Variants in KLHL29 observed in about 807,000 individuals in gnomAD.
KLHL29 encodes kelch-like protein 29.
KLHL29 carries 21 observed loss-of-function variants against 80.4 expected under a neutral mutation model. The ratio of observed to expected loss-of-function variants is 0.26; its 90% CI spans 0.19 to 0.38. The LOEUF (loss-of-function observed/expected upper bound fraction) is 0.38, where lower values mean the gene tolerates loss of function less well. Among genes scored for constraint, KLHL29 ranks in the 10% least tolerant of loss-of-function variants. The probability of loss-of-function intolerance (pLI) is 1.00; values close to 1 mark genes in which losing one functional copy is unlikely to be tolerated. For synonymous variants in KLHL29, 511 were observed against 526.8 expected (o/e 0.97, Z 0.41); for missense variants, 867 against 1,223.9 (o/e 0.71, Z 4.35).
intron 2 of KLHL29, among the ~76,000 whole-genome samples, chr2:23,535,113 T>C (rs897888391): frequency 3.9e-5 from 6 of 152,272 alleles, no homozygotes; most frequent in Non-Finnish European, 7.3e-5. Flanking sequence ...TTAGTTAATT[T>C]TTTTAAAATG....
rs1473243703 is a variant in KLHL29, at chr2:23,503,938, T to C, written c.-46+28271T>C. On this transcript the variant is annotated intron_variant, in intron 2 of 13. Coordinates refer to ENST00000486442, the MANE Select transcript of KLHL29 (RefSeq NM_052920.2). The surrounding 1 kb of genome is among the most constrained non-coding windows in gnomAD (Gnocchi z 4.0). Reference sequence around the variant, plus strand: ...CCCTCCTCCACTAGGAGCCTCTGGTTCCAGCCCAGATGAACCCACTGGGCT... The same window carrying C: ...CCCTCCTCCACTAGGAGCCTCTGGTCCCAGCCCAGATGAACCCACTGGGCT... Among the ~76,000 whole-genome samples, 2 of 152,174 alleles carry C rather than the reference T, an allele frequency of 1.3e-5. No individual in the cohort carries two copies. Among genetic ancestry groups the C allele is most frequent in the Admixed American group, 1.3e-4 (2 of 15,280 alleles).
intron 5 of KLHL29, among the ~76,000 whole-genome samples, chr2:23,673,912 C>A (rs1235055782): frequency 1.3e-5 from 2 of 152,178 alleles, no homozygotes; most frequent in Admixed American, 6.5e-5. Flanking sequence ...TGCACACACA[C>A]TCACAACCAT....
intron 5 of KLHL29, among the ~76,000 whole-genome samples, chr2:23,672,977 A>G (rs1670810826): frequency 6.6e-6 from 1 of 152,204 alleles, no homozygotes; most frequent in South Asian, 2.1e-4. Context: ...CAACCTTTTC[A>G]GTGTCAGAGA....
At chr2:23,483,157 T>C (rs1000120032) in intron 2 of KLHL29, among the ~76,000 whole-genome samples, 5 of 152,126 alleles carry the variant, frequency 3.3e-5, no homozygotes, top group African/African-American at 1.2e-4. Flanking sequence ...AGTGACCATA[T>C]GAGATAAAAA....
intron 2 of KLHL29, among the ~76,000 whole-genome samples, chr2:23,489,785 C>A (rs1420034799): frequency 6.6e-6 from 1 of 151,810 alleles, no homozygotes; most frequent in Non-Finnish European, 1.5e-5. Flanking sequence ...AACTTGCATG[C>A]GTGGAGTCTG....
intron 3 of KLHL29, among the ~76,000 whole-genome samples, chr2:23,629,188 C>G (rs1179524154): frequency 6.6e-6 from 1 of 152,138 alleles, no homozygotes; most frequent in Admixed American, 6.5e-5. Flanking sequence ...TGAGAGGTGC[C>G]CCTCGCGCTC....
At chr2:23,429,520 A>C (rs1663109508) in intron 1 of KLHL29, among the ~76,000 whole-genome samples, 1 of 152,208 alleles carries the variant, frequency 6.6e-6, no homozygotes, top group Non-Finnish European at 1.5e-5. Flanking sequence ...TGGGAGGCCG[A>C]GGTGGGCGGA....
chr2:23,631,895 G>A (rs944803578), intron 3 of KLHL29, among the ~76,000 whole-genome samples: 3 of 152,158 alleles, frequency 2.0e-5, no homozygotes, highest in Admixed American at 1.3e-4. Context: ...CTGATGAGCA[G>A]CATCAACCCC....
intron 3 of KLHL29, among the ~76,000 whole-genome samples, chr2:23,637,995 C>T (rs984477477): frequency 6.6e-5 from 10 of 150,992 alleles, no homozygotes; most frequent in African/African-American, 2.4e-4. Context: ...CTACTGACAC[C>T]CACACCTGTG....
Position 23,617,599 on chromosome 2 carries a change from C to T in KLHL29, c.286-21540C>T, listed in dbSNP as rs577868241. 5 of 152,342 alleles carry T rather than the reference C, an allele frequency of 3.3e-5. No homozygotes were observed. In the East Asian group the frequency reaches 9.6e-4, roughly 29 times the overall value. The allele number at this position is 152,342 out of a possible 1,614,324, so 9.4% of individuals were successfully genotyped here. On this transcript the variant is annotated intron_variant, in intron 3 of 13. Coordinates refer to ENST00000486442, the MANE Select transcript of KLHL29 (RefSeq NM_052920.2). ...TATAAAAGGGCATTAGGCAAACACT[C>T]AGAAATTCAGCAGCTTCCTTGGTTG...
chr2:23,434,316 G>T (rs1243391284), intron 1 of KLHL29, among the ~76,000 whole-genome samples: 1 of 77,270 alleles, frequency 1.3e-5, no homozygotes, highest in African/African-American at 5.8e-5. Context: ...GCGAGACTCC[G>T]TCTCAAAAAA....
At chr2:23,535,744 G>A (rs1026761769) in intron 2 of KLHL29, among the ~76,000 whole-genome samples, 4 of 152,160 alleles carry the variant, frequency 2.6e-5, no homozygotes, top group African/African-American at 9.7e-5. Context: ...GGGTGCCAGG[G>A]TTTCGGGGAG....
At chr2:23,613,177 G>T (rs1668912251) in intron 3 of KLHL29, among the ~76,000 whole-genome samples, 1 of 152,134 alleles carries the variant, frequency 6.6e-6, no homozygotes, top group Non-Finnish European at 1.5e-5. Context: ...CAGAACAAGT[G>T]AGACACAGAG....
intron 1 of KLHL29, among the ~76,000 whole-genome samples, chr2:23,432,870 T>C (rs1572508235): frequency 6.6e-6 from 1 of 152,156 alleles, no homozygotes. Context: ...CTGCAGCCAG[T>C]ATGTATATTT....
intron 2 of KLHL29, among the ~76,000 whole-genome samples, chr2:23,557,330 G>C (rs557390047): frequency 6.6e-6 from 1 of 152,292 alleles, no homozygotes; most frequent in South Asian, 2.1e-4. Flanking sequence ...AGGGTAAACC[G>C]TGCAACTCCT....
chr2:23,513,591 CT>C (rs1257171850), intron 2 of KLHL29, among the ~76,000 whole-genome samples: 2 of 152,212 alleles, frequency 1.3e-5, no homozygotes, highest in Non-Finnish European at 2.9e-5. Flanking sequence ...TGAGTACTAA[CT>C]AAGGCCTGAG....
intron 1 of KLHL29, among the ~76,000 whole-genome samples, chr2:23,462,181 C>A (rs769957113): frequency 3.7e-4 from 56 of 151,988 alleles, no homozygotes; most frequent in Middle Eastern, 6.8e-3. Flanking sequence ...AAAGAAGAGC[C>A]CAGACACATT....
chr2:23,679,473 C>A (rs566436094), intron 5 of KLHL29, among the ~76,000 whole-genome samples: 51 of 152,216 alleles, frequency 3.4e-4, no homozygotes, highest in Non-Finnish European at 5.6e-4. Context: ...CCGTGACTCA[C>A]ATTTTCACAG....
chr2:23,617,866 C>T (rs1404940803), intron 3 of KLHL29: 1 of 152,106 alleles, frequency 6.6e-6, no homozygotes, highest in Non-Finnish European at 1.5e-5. Context: ...GGGTAATGCA[C>T]AACGTAGCAG....
Sources: allele counts gnomAD v4.1 joint callset (sites outside exome capture counted in the v4.1 genomes callset), GRCh38; gene constraint gnomAD v4.1.1; non-coding constraint Gnocchi (gnomAD v3.1); transcripts MANE v1.5; gene names NCBI Gene and HGNC (gene_info 2026-07-23, HGNC 2026-07-21).